The following THSD4 variants were observed in gnomAD, a reference collection of about 807,000 sequenced individuals.
THSD4 encodes thrombospondin type-1 domain-containing protein 4.
A neutral mutation model predicts 119.0 loss-of-function variants in THSD4; 69 were observed. The ratio of observed to expected loss-of-function variants is 0.58; its 90% confidence interval spans 0.48 to 0.71. The LOEUF (loss-of-function observed/expected upper bound fraction) is 0.71. THSD4 is among the 30% of genes least tolerant of loss of function. The probability of loss-of-function intolerance (pLI) is 0.00; values close to 1 mark genes in which losing one functional copy is unlikely to be tolerated. For synonymous variants in THSD4, 524 were observed against 540.4 expected (o/e 0.97, Z 0.42); for missense variants, 1,393 against 1,391.1 (o/e 1.00, Z -0.02).
chr15:71,127,526 C>T (rs2040465669), intron 1 of THSD4, among the ~76,000 whole-genome samples: 1 of 152,200 alleles, frequency 6.6e-6, no homozygotes, highest in Non-Finnish European at 1.5e-5. Context: ...TTTACATTCC[C>T]ACCAATAGTA....
At chr15:71,691,656 C>A (rs1183369741) in intron 8 of THSD4, among the ~76,000 whole-genome samples, 1 of 152,220 alleles carries the variant, frequency 6.6e-6, no homozygotes, top group African/African-American at 2.4e-5. Context: ...AGTCAGCTCT[C>A]AACACATGGT....
At chr15:71,545,964 G>A (rs1254732291) in intron 7 of THSD4, among the ~76,000 whole-genome samples, 1 of 152,126 alleles carries the variant, frequency 6.6e-6, no homozygotes, top group African/African-American at 2.4e-5. Flanking sequence ...GGCTTTTCAA[G>A]TGTTTATTAA....
intron 6 of THSD4, among the ~76,000 whole-genome samples, chr15:71,271,481 T>C (rs1017785526): frequency 2.6e-5 from 4 of 152,298 alleles, no homozygotes; most frequent in Non-Finnish European, 4.4e-5. Flanking sequence ...GGAGGAGTAT[T>C]ATAGCTGGAA....
In THSD4 at chr15:71,503,864, A is replaced by G. The variant is rs1263911900; in HGVS notation, c.1152+92041A>G. Among the ~76,000 whole-genome samples the G allele has an allele frequency of 2.0e-5, 3 of 152,212 alleles. No individual in the cohort carries two copies. The East Asian group carries it at 5.8e-4, about 29-fold the overall frequency. ...ATCCACTCCTGGAGCCAATCCTCCT[A>G]ACTTTTTCAAAAGATGAAAATCATA... On this transcript the variant is annotated intron_variant, in intron 7 of 17. Transcript: ENST00000261862.
chr15:71,293,420 C>T (rs919696987), intron 6 of THSD4, among the ~76,000 whole-genome samples: 1 of 152,134 alleles, frequency 6.6e-6, no homozygotes, highest in Non-Finnish European at 1.5e-5. Context: ...CCTGGGTCTG[C>T]AGCCCCTTCT....
intron 7 of THSD4, among the ~76,000 whole-genome samples, chr15:71,441,796 C>T (rs2047098304): frequency 6.6e-6 from 1 of 152,066 alleles, no homozygotes. Flanking sequence ...TTTTCTGAGC[C>T]TCATTTTCCA....
intron 7 of THSD4, among the ~76,000 whole-genome samples, chr15:71,591,361 A>C (rs989662081): frequency 3.9e-5 from 6 of 152,188 alleles, no homozygotes; most frequent in African/African-American, 7.2e-5. Context: ...CATTCTTTAC[A>C]TCTCCTTCTG....
At chr15:71,539,821 G>GCTAT (rs1253555996) in intron 7 of THSD4, among the ~76,000 whole-genome samples, 2 of 152,092 alleles carry the variant, frequency 1.3e-5, no homozygotes, top group African/African-American at 4.8e-5. Flanking sequence ...ATTGAATCAG[G>GCTAT]CTATCTGTGT....
intron 7 of THSD4, among the ~76,000 whole-genome samples, chr15:71,607,599 G>T (rs970573107): frequency 1.3e-5 from 2 of 152,204 alleles, no homozygotes; most frequent in Admixed American, 1.3e-4. Flanking sequence ...GGAAAGCACC[G>T]GTGTGGCAGA....
rs1026625806 is a variant in THSD4, at chr15:71,731,226, C to T, written c.1630+9C>T. ...ACCCCACAGGAGACCAGGTAGAATC[C>T]CTTGTCTTGTGGCCGGGGACTCTGG... is the stretch of plus-strand genomic sequence containing the variant. On this transcript the variant is annotated intron_variant, in intron 10 of 17. Coordinates refer to ENST00000261862, the MANE Select transcript of THSD4 (RefSeq NM_024817.3). The T allele has an allele frequency of 6.2e-7, 1 of 1,613,544 alleles. No individual in the cohort carries two copies. Among genetic ancestry groups the T allele is most frequent in the African/African-American group, 1.3e-5 (1 of 74,928 alleles).
chr15:71,573,305 G>A (rs2049393840), intron 7 of THSD4, among the ~76,000 whole-genome samples: 1 of 152,168 alleles, frequency 6.6e-6, no homozygotes, highest in Non-Finnish European at 1.5e-5. Flanking sequence ...TGCCAAGGGT[G>A]GTGGCAGTGA....
intron 6 of THSD4, among the ~76,000 whole-genome samples, chr15:71,309,570 C>G (rs2045082798): frequency 6.6e-6 from 1 of 152,098 alleles, no homozygotes; most frequent in African/African-American, 2.4e-5. Flanking sequence ...GAAACCATTA[C>G]CTAGTCTGAG....
At chr15:71,373,419 A>T (rs910926647) in intron 6 of THSD4, among the ~76,000 whole-genome samples, 8 of 152,062 alleles carry the variant, frequency 5.3e-5, no homozygotes, top group African/African-American at 9.7e-5. Flanking sequence ...TCCTAACTTG[A>T]ACTTACATGA....
In THSD4 at chr15:71,201,072, G is replaced by A. The variant is rs532726885; in HGVS notation, c.100-13963G>A. ...TTGGTGCCTAATGACCCCCAGTGCCGACTTCCATTAAAGTCAAGTGTCATG... is the reference window on the plus strand; with the variant it reads ...TTGGTGCCTAATGACCCCCAGTGCCAACTTCCATTAAAGTCAAGTGTCATG... On this transcript the variant is annotated intron_variant, in intron 3 of 17. Transcript: ENST00000261862. Among the ~76,000 whole-genome samples the A allele has an allele frequency of 1.2e-3, 183 of 152,154 alleles. 5 individuals are homozygous for A. The South Asian group carries it at 0.026, about 22-fold the overall frequency.
At chr15:71,144,184 T>A (rs1346435071) in intron 2 of THSD4, among the ~76,000 whole-genome samples, 1 of 152,194 alleles carries the variant, frequency 6.6e-6, no homozygotes, top group Non-Finnish European at 1.5e-5. Context: ...TGAGGACAGC[T>A]GATTCTTTAG....
intron 7 of THSD4, among the ~76,000 whole-genome samples, chr15:71,582,194 T>C (rs747083146): frequency 6.6e-6 from 1 of 152,190 alleles, no homozygotes; most frequent in Non-Finnish European, 1.5e-5. Flanking sequence ...TAGTTTTCAG[T>C]GTACAGATCT....
intron 7 of THSD4, among the ~76,000 whole-genome samples, chr15:71,590,538 A>T (rs2049775146): frequency 1.1e-5 from 1 of 91,632 alleles, no homozygotes; most frequent in Non-Finnish European, 2.2e-5. Flanking sequence ...GTGGGGAACA[A>T]CTGGGGCCTG....
intron 8 of THSD4, among the ~76,000 whole-genome samples, chr15:71,687,136 T>C (rs1189824956): frequency 6.6e-6 from 1 of 152,148 alleles, no homozygotes; most frequent in Non-Finnish European, 1.5e-5. Flanking sequence ...ACTCTGAGCA[T>C]GAGGCAGGTG....
At chr15:71,230,403 G>A (rs944598389) in intron 4 of THSD4, among the ~76,000 whole-genome samples, 5 of 152,184 alleles carry the variant, frequency 3.3e-5, no homozygotes, top group Admixed American at 6.5e-5. Context: ...GCAACAGTTC[G>A]CACATATCAC....
Sources: allele counts gnomAD v4.1 joint callset (sites outside exome capture counted in the v4.1 genomes callset), GRCh38; gene constraint gnomAD v4.1.1; transcripts MANE v1.5; gene names NCBI Gene and HGNC (gene_info 2026-07-23, HGNC 2026-07-21).